Variants in NOL4 observed in about 807,000 individuals in gnomAD.
NOL4 encodes nucleolar protein 4, also known as cancer/testis antigen 125.
NOL4 carries 17 observed loss-of-function variants against 75.9 expected under a neutral mutation model. The ratio of observed to expected loss-of-function variants is 0.22; its 90% CI spans 0.15 to 0.34. The LOEUF (loss-of-function observed/expected upper bound fraction) is 0.34, where lower values mean the gene tolerates loss of function less well. Among genes scored for constraint, NOL4 ranks in the 10% least tolerant of loss-of-function variants. NOL4 has a pLI of 1.00. For missense variants in NOL4, 614 were observed against 793.5 expected (o/e 0.77, Z 2.72); for synonymous variants, 292 against 289.9 (o/e 1.01, Z -0.07).
chr18:34,183,510 A>G (rs2034212201), intron 1 of NOL4: 1 of 151,976 alleles, frequency 6.6e-6, no homozygotes, highest in South Asian at 2.1e-4. Flanking sequence ...AAGAAAATGA[A>G]AACTTACATT....
At chr18:33,860,346 A>C (rs2063051523) in intron 10 of NOL4, among the ~76,000 whole-genome samples, 1 of 152,146 alleles carries the variant, frequency 6.6e-6, no homozygotes. Flanking sequence ...CCTCCCTGAC[A>C]GTCTCCCAAA....
chr18:34,197,604 A>G (rs188084867), intron 1 of NOL4, among the ~76,000 whole-genome samples: 18 of 152,134 alleles, frequency 1.2e-4, no homozygotes, highest in African/African-American at 4.3e-4. Context: ...ATTATCATAA[A>G]GGGACATAAA....
chr18:34,197,437 G>T (rs1401088857), intron 1 of NOL4, among the ~76,000 whole-genome samples: 1 of 151,940 alleles, frequency 6.6e-6, no homozygotes, highest in Non-Finnish European at 1.5e-5. Context: ...TACCATGAAA[G>T]AACAAAGCTA....
At chr18:34,065,740 T>A (rs866668322) in intron 5 of NOL4, among the ~76,000 whole-genome samples, 1 of 151,994 alleles carries the variant, frequency 6.6e-6, no homozygotes, top group Non-Finnish European at 1.5e-5. Flanking sequence ...GTATAATAAC[T>A]TTTAAAACTT....
At position 34,033,659 on chromosome 18, in the gene NOL4, T is replaced by G. The variant is rs559840742; in HGVS notation, c.773-14058A>C. On this transcript the variant is annotated intron_variant, in intron 5 of 10. Transcript: ENST00000261592. The stretch of plus-strand genomic sequence containing the variant: ...AGATAATAAATGAAAACTCCCCAAT[T>G]TAGGAAGAAATTTAGACATTCAGAT... 1.9e-4 allele frequency among the ~76,000 whole-genome samples: 29 copies of G among 152,084 alleles called. No individual in the cohort carries two copies. The Middle Eastern group carries it at 0.01, about 54-fold the overall frequency.
At chr18:34,174,838 C>T (rs185765502) in intron 1 of NOL4, among the ~76,000 whole-genome samples, 72 of 152,228 alleles carry the variant, frequency 4.7e-4, no homozygotes, top group Middle Eastern at 3.4e-3. Context: ...TCATCCATGT[C>T]CATGCAAAGG....
intron 4 of NOL4, among the ~76,000 whole-genome samples, chr18:34,094,035 C>T (rs1362665802): frequency 1.3e-5 from 2 of 151,696 alleles, no homozygotes; most frequent in Non-Finnish European, 2.9e-5. Flanking sequence ...GAGCGAGACT[C>T]GTCTCAAAAA....
intron 1 of NOL4, among the ~76,000 whole-genome samples, chr18:34,158,026 T>C (rs1387306506): frequency 6.6e-6 from 1 of 152,032 alleles, no homozygotes; most frequent in African/African-American, 2.4e-5. Context: ...AAAAAAGAAA[T>C]AGTTATCTTG....
intron 5 of NOL4, among the ~76,000 whole-genome samples, chr18:34,020,924 G>A (rs1215821370): frequency 6.6e-6 from 1 of 152,114 alleles, no homozygotes; most frequent in Non-Finnish European, 1.5e-5. Context: ...AAATATGGCT[G>A]AGCAAAAGAA....
chr18:34,098,434 T>G (rs556795510), intron 4 of NOL4, among the ~76,000 whole-genome samples: 1 of 152,158 alleles, frequency 6.6e-6, no homozygotes, highest in Non-Finnish European at 1.5e-5. Flanking sequence ...AACCGGGTAC[T>G]TAAGTGAGGT....
chr18:33,963,611 A>C (rs960310918), intron 6 of NOL4, among the ~76,000 whole-genome samples: 1 of 152,206 alleles, frequency 6.6e-6, no homozygotes, highest in Non-Finnish European at 1.5e-5. Context: ...TTTAGGCTCT[A>C]TGGAAGATGG....
Position 34,049,061 on chromosome 18 carries a change from G to A in NOL4, c.773-29460C>T, listed in dbSNP as rs193133148. Among the ~76,000 whole-genome samples, 347 of 136,812 alleles carry A rather than the reference G, an allele frequency of 2.5e-3. 1 individual carries two copies. The highest frequency in any genetic ancestry group is 4.1e-3 in the Non-Finnish European group (263 of 64,674). 89.8% of individuals were successfully genotyped at this position (136,812 alleles called of 152,430 possible). ...CACCATTGTATCAACTTGAAGGTTA[G>A]ATACAGGCGCGCGCACACACACACA... On this transcript the variant is annotated intron_variant, in intron 5 of 10. Coordinates refer to ENST00000261592, the MANE Select transcript of NOL4 (RefSeq NM_003787.5).
intron 10 of NOL4, among the ~76,000 whole-genome samples, chr18:33,858,591 T>C (rs1211051083): frequency 6.6e-6 from 1 of 152,066 alleles, no homozygotes; most frequent in Admixed American, 6.6e-5. Context: ...AACATGCTAA[T>C]GAATTTCATT....
chr18:33,871,665 T>C (rs17747509), intron 10 of NOL4, among the ~76,000 whole-genome samples: 19,840 of 152,070 alleles, frequency 0.13, 1,426 homozygotes, highest in Non-Finnish European at 0.17. Context: ...TTTCATTCCT[T>C]CCCTTCAGTG....
At chr18:34,007,028 C>T (rs1345743060) in intron 6 of NOL4, among the ~76,000 whole-genome samples, 1 of 152,018 alleles carries the variant, frequency 6.6e-6, no homozygotes, top group Non-Finnish European at 1.5e-5. Flanking sequence ...TGACTTTATG[C>T]TCTGCTGGCC....
In NOL4 at chr18:33,972,057, G is replaced by A. The variant is rs186306992; in HGVS notation, c.1057-13639C>T. ...TGGGCATCTGCAATCCCAGCTACTC[G>A]GGAGGTTGAGGCAGGAGAATGGCTT... On this transcript the variant is annotated intron_variant, in intron 6 of 10. Transcript: ENST00000261592. 2.4e-3 allele frequency among the ~76,000 whole-genome samples: 364 copies of A among 151,776 alleles called. 3 individuals are homozygous for A. The highest frequency in any genetic ancestry group is 5.7e-4 in the Non-Finnish European group (39 of 67,910).
chr18:34,098,105 T>C (rs927259259), intron 4 of NOL4, among the ~76,000 whole-genome samples: 1 of 152,186 alleles, frequency 6.6e-6, no homozygotes, highest in African/African-American at 2.4e-5. Context: ...ATGGCTACCA[T>C]GGATCCCTTC....
chr18:33,869,983 T>A (rs2063617692), intron 10 of NOL4, among the ~76,000 whole-genome samples: 1 of 152,138 alleles, frequency 6.6e-6, no homozygotes, highest in African/African-American at 2.4e-5. Context: ...GCCTGTCTCC[T>A]CATTTCTCAC....
intron 5 of NOL4, among the ~76,000 whole-genome samples, chr18:34,043,279 T>C (rs1372113269): frequency 6.6e-6 from 1 of 152,128 alleles, no homozygotes; most frequent in Non-Finnish European, 1.5e-5. Context: ...CAAATATGTA[T>C]GTATGCATGT....
Sources: allele counts gnomAD v4.1 joint callset (sites outside exome capture counted in the v4.1 genomes callset), GRCh38; gene constraint gnomAD v4.1.1; transcripts MANE v1.5; gene names NCBI Gene and HGNC (gene_info 2026-07-23, HGNC 2026-07-21).